ANO6: variants seen among roughly 807,000 people sequenced by gnomAD.
ANO6 encodes the protein anoctamin-6.
A neutral mutation model predicts 117.5 loss-of-function variants in ANO6; 106 were observed. The observed-to-expected ratio is 0.90, with a 90% CI of 0.77 to 1.06. The LOEUF (loss-of-function observed/expected upper bound fraction) is 1.06. Among genes scored for constraint, ANO6 ranks in the 50% least tolerant of loss-of-function variants. The pLI, the probability that ANO6 is intolerant of heterozygous loss-of-function variation, is 0.00. For missense variants in ANO6, 955 were observed against 1,121.1 expected, an observed-to-expected ratio of 0.85 and a Z score of 2.12; for synonymous variants, 367 against 385.1, an observed-to-expected ratio of 0.95 and a Z score of 0.55.
At chr12:45,377,945 A>C in intron 9 of ANO6, 108 bp from the exon 10 acceptor site, 1 of 1,021,938 alleles carries the variant, frequency 9.8e-7, no homozygotes, top group Non-Finnish European at 1.5e-6. Flanking sequence ...ACTAGGCATC[A>C]CCTTTGAAAA....
intron 1 of ANO6, among the ~76,000 whole-genome samples, chr12:45,255,821 T>TG (rs1400444756): frequency 7.0e-6 from 1 of 142,130 alleles, no homozygotes; most frequent in Non-Finnish European, 1.5e-5. Flanking sequence ...CCTGGGTGTT[T>TG]TTTTTTTTTT....
At chr12:45,383,736 C>T (rs991999170) in intron 10 of ANO6, among the ~76,000 whole-genome samples, 2 of 152,108 alleles carry the variant, frequency 1.3e-5, no homozygotes, top group African/African-American at 4.8e-5. Flanking sequence ...TTCAACACAC[C>T]ATGTTATAAA....
chr12:45,315,675 C>T (rs1940001133), intron 2 of ANO6, among the ~76,000 whole-genome samples: 1 of 152,072 alleles, frequency 6.6e-6, no homozygotes, highest in Admixed American at 6.6e-5. Context: ...TCTTTTCTCT[C>T]AGCCCTGCAT....
intron 1 of ANO6, among the ~76,000 whole-genome samples, chr12:45,242,562 A>G (rs1386180063): frequency 1.3e-5 from 2 of 152,092 alleles, no homozygotes; most frequent in Non-Finnish European, 2.9e-5. Context: ...GCTTTGGCTC[A>G]CCCTCTGTGG....
chr12:45,354,770 T>C (rs1477500659), intron 7 of ANO6, among the ~76,000 whole-genome samples: 6 of 152,206 alleles, frequency 3.9e-5, no homozygotes, highest in African/African-American at 1.4e-4. Flanking sequence ...AAAGTAATTA[T>C]AGCAGTGACT....
intron 1 of ANO6, among the ~76,000 whole-genome samples, chr12:45,300,302 T>G (rs997739085): frequency 6.6e-6 from 1 of 152,074 alleles, no homozygotes; most frequent in Non-Finnish European, 1.5e-5. Context: ...CACCTCAACC[T>G]CCTGAGTAGC....
intron 1 of ANO6, among the ~76,000 whole-genome samples, chr12:45,264,385 C>T (rs1403019102): frequency 2.6e-5 from 4 of 152,124 alleles, no homozygotes; most frequent in Admixed American, 1.3e-4. Context: ...TGATTGTTCT[C>T]TTCATCTTGG....
At chr12:45,422,891 G>T (rs1943402249) in intron 18 of ANO6, 66 bp from the exon 19 acceptor site, 1 of 1,223,060 alleles carries the variant, frequency 8.2e-7, no homozygotes, top group Non-Finnish European at 1.2e-6. Flanking sequence ...TTTTTAAATG[G>T]GGCCTTTGTT....
intron 11 of ANO6, among the ~76,000 whole-genome samples, chr12:45,388,993 T>G (rs543934033): frequency 3.9e-5 from 6 of 152,348 alleles, no homozygotes; most frequent in Admixed American, 1.3e-4. Flanking sequence ...CATTCTTGCT[T>G]CTTTCCATCA....
At chr12:45,372,045 C>T (rs1028322054) in intron 9 of ANO6, among the ~76,000 whole-genome samples, 9 of 151,842 alleles carry the variant, frequency 5.9e-5, no homozygotes, top group Admixed American at 5.9e-4. Flanking sequence ...AGCCAAGGCT[C>T]GAGAACTACG....
At chr12:45,251,719 C>T (rs933641571) in intron 1 of ANO6, among the ~76,000 whole-genome samples, 6 of 152,114 alleles carry the variant, frequency 3.9e-5, no homozygotes, top group Non-Finnish European at 7.3e-5. Context: ...GGGGAGGGGC[C>T]GTAGCCTCCA....
intron 10 of ANO6, among the ~76,000 whole-genome samples, chr12:45,387,486 T>C (rs1490702341): frequency 6.6e-6 from 1 of 152,170 alleles, no homozygotes; most frequent in Non-Finnish European, 1.5e-5. Flanking sequence ...GGAACTGTGA[T>C]CATTATTTGT....
chr12:45,436,097 C>T (rs1943704570), downstream of ANO6, among the ~76,000 whole-genome samples: 1 of 152,160 alleles, frequency 6.6e-6, no homozygotes, highest in African/African-American at 2.4e-5. Context: ...ACAATTGGCC[C>T]AGTATGACCA....
chr12:45,304,883 C>T (rs746787179), intron 2 of ANO6, among the ~76,000 whole-genome samples: 5 of 152,136 alleles, frequency 3.3e-5, no homozygotes, highest in African/African-American at 7.2e-5. Context: ...GTGCATATAT[C>T]ACAGTGAAAT....
At chr12:45,372,469 G>A (rs1346996139) in intron 9 of ANO6, among the ~76,000 whole-genome samples, 25 of 141,652 alleles carry the variant, frequency 1.8e-4, no homozygotes, top group African/African-American at 4.0e-4. Flanking sequence ...GAGAAAGGTC[G>A]GGTTACCCTC....
At chr12:45,401,500 A>G (rs1288049597) in intron 12 of ANO6, among the ~76,000 whole-genome samples, 11 of 152,120 alleles carry the variant, frequency 7.2e-5, no homozygotes, top group African/African-American at 2.7e-4. Flanking sequence ...GAGCAATTTT[A>G]GGTTTACAGA....
intron 1 of ANO6, among the ~76,000 whole-genome samples, chr12:45,255,441 G>A (rs953885938): frequency 2.0e-5 from 3 of 152,094 alleles, no homozygotes; most frequent in African/African-American, 7.2e-5. Flanking sequence ...AGGCAGAGGT[G>A]GCAGCTGAGA....
intron 1 of ANO6, among the ~76,000 whole-genome samples, chr12:45,232,730 C>T (rs1254068188): frequency 6.6e-6 from 1 of 152,198 alleles, no homozygotes; most frequent in African/African-American, 2.4e-5. Context: ...CAAAGTGGTA[C>T]TATTGCTAGT....
chr12:45,361,413 G>A (rs1941551997), intron 8 of ANO6, among the ~76,000 whole-genome samples: 1 of 152,138 alleles, frequency 6.6e-6, no homozygotes, highest in African/African-American at 2.4e-5. Flanking sequence ...TTGCTAAACT[G>A]GCTTATTTGC....
Sources: allele counts gnomAD v4.1 joint callset (sites outside exome capture counted in the v4.1 genomes callset), GRCh38; gene constraint gnomAD v4.1.1; transcripts MANE v1.5; gene names NCBI Gene and HGNC (gene_info 2026-07-23, HGNC 2026-07-21).